The following LBR variants were observed in gnomAD, a reference collection of about 807,000 sequenced individuals.
The protein encoded by LBR is delta(14)-sterol reductase LBR.
Under a neutral mutation model 74.3 loss-of-function variants are expected in LBR, and 28 were observed. That is an observed-to-expected ratio of 0.38 (90% CI 0.28 to 0.52). LBR has a LOEUF of 0.52. Among genes scored for constraint, LBR ranks in the 20% least tolerant of loss-of-function variants. The pLI is 0.89. For missense variants in LBR, 717 were observed against 760.3 expected, an observed-to-expected ratio of 0.94 and a Z score of 0.67; for synonymous variants, 228 against 269.3, an observed-to-expected ratio of 0.85 and a Z score of 1.50.
At chr1:225,416,005 C>A (rs1326383800) in intron 6 of LBR, among the ~76,000 whole-genome samples, 1 of 151,992 alleles carries the variant, frequency 6.6e-6, no homozygotes, top group East Asian at 1.9e-4. Context: ...GAGTTGGAGA[C>A]CAGCCTGGGC....
At position 225,404,546 on chromosome 1, in the gene LBR, C is replaced by T. The variant is rs757794533; in HGVS notation, c.1565-20G>A. The T allele has an allele frequency of 6.4e-5, 101 of 1,580,810 alleles. No homozygotes were observed. The highest frequency in any genetic ancestry group is 8.6e-7 in the Non-Finnish European group (1 of 1,159,654). ...TTAAATCTATATAAAAATAAAAGTACATTTTTAATGATGTCGAGACAAAAA... is the reference window on the plus strand; with the variant it reads ...TTAAATCTATATAAAAATAAAAGTATATTTTTAATGATGTCGAGACAAAAA... On this transcript the variant is annotated intron_variant, in intron 12 of 13. Transcript: ENST00000272163.
chr1:225,413,216 T>C (rs969449703), intron 7 of LBR, among the ~76,000 whole-genome samples: 1 of 152,134 alleles, frequency 6.6e-6, no homozygotes, highest in Non-Finnish European at 1.5e-5. Context: ...ACAACACAAA[T>C]GCCCGAGGCT....
At chr1:225,416,672 G>A (rs577482523) in intron 6 of LBR, among the ~76,000 whole-genome samples, 3 of 152,274 alleles carry the variant, frequency 2.0e-5, no homozygotes, top group East Asian at 1.9e-4. Context: ...CCTCCGTATC[G>A]ACGGGATCCA....
intron 10 of LBR, among the ~76,000 whole-genome samples, chr1:225,408,675 T>C (rs1439886885): frequency 1.3e-5 from 2 of 152,250 alleles, no homozygotes; most frequent in Non-Finnish European, 2.9e-5. Context: ...AAATACAATC[T>C]TTCCTCAAGA....
chr1:225,424,884 T>G (rs1024417965), intron 1 of LBR, among the ~76,000 whole-genome samples: 1 of 152,202 alleles, frequency 6.6e-6, no homozygotes, highest in African/African-American at 2.4e-5. Context: ...GCTGGGTACT[T>G]CCAGCTGCCA....
At chr1:225,416,211 AAAAGAG>A (rs1271582803) in intron 6 of LBR, among the ~76,000 whole-genome samples, 13 of 146,224 alleles carry the variant, frequency 8.9e-5, no homozygotes, top group Non-Finnish European at 1.8e-4. Flanking sequence ...AAAAAAAAAA[AAAAGAG>A]AGAGAGAGAG....
At chr1:225,421,638 A>G (rs2096127665) in intron 3 of LBR, among the ~76,000 whole-genome samples, 1 of 152,260 alleles carries the variant, frequency 6.6e-6, no homozygotes, top group South Asian at 2.1e-4. Context: ...ATGCACCCTG[A>G]TATTTCAAAG....
chr1:225,415,449 A>T, intron 6 of LBR, 117 bp from the exon 7 acceptor site: 1 of 636,616 alleles, frequency 1.6e-6, no homozygotes, highest in Non-Finnish European at 2.8e-6. Flanking sequence ...CCAAGAAGGA[A>T]GATATCTTGT....
intron 7 of LBR, among the ~76,000 whole-genome samples, chr1:225,414,470 G>A (rs1389272218): frequency 4.6e-5 from 7 of 152,202 alleles, no homozygotes; most frequent in Admixed American, 4.6e-4. Context: ...AAATAGATCT[G>A]TACTTTGCCA....
intron 3 of LBR, among the ~76,000 whole-genome samples, chr1:225,420,747 T>G (rs1411537755): frequency 1.4e-5 from 2 of 145,366 alleles, no homozygotes; most frequent in East Asian, 2.0e-4. Flanking sequence ...GTTAGAACAG[T>G]AAGTTGAAAA....
chr1:225,413,928 G>A (rs1419412424), intron 7 of LBR: 1 of 456,894 alleles, frequency 2.2e-6, no homozygotes. Flanking sequence ...AGAGGGAAGT[G>A]AAAATATAAC....
In LBR at chr1:225,413,624, T is replaced by C. The variant is rs921176095; in HGVS notation, c.893-979A>G. ...AACAATAACTTCTAAATTCTGACTT[T>C]TGAAAATATTCATTTACCTTTCATA... On this transcript the variant is annotated intron_variant, in intron 7 of 13. Transcript: ENST00000272163. Among the ~76,000 whole-genome samples the C allele has an allele frequency of 7.9e-5, 12 of 152,252 alleles. 1 individual carries two copies. The highest frequency in any genetic ancestry group is 2.7e-4 in the African/African-American group (11 of 41,470).
upstream of LBR, among the ~76,000 whole-genome samples, chr1:225,428,381 C>G (rs1008146828): frequency 2.0e-5 from 3 of 152,226 alleles, no homozygotes; most frequent in South Asian, 2.1e-4. Context: ...CCGCCCTTTC[C>G]CTCCCAGCGC....
At chr1:225,409,427 G>A (rs2096099841) in intron 10 of LBR, among the ~76,000 whole-genome samples, 2 of 152,160 alleles carry the variant, frequency 1.3e-5, no homozygotes, top group African/African-American at 2.4e-5. Context: ...CAGCAGGGGT[G>A]GGGGAGATAC....
chr1:225,422,886 C>T (rs2096130643), intron 2 of LBR, among the ~76,000 whole-genome samples: 1 of 152,194 alleles, frequency 6.6e-6, no homozygotes, highest in African/African-American at 2.4e-5. Flanking sequence ...ATCAAAAGAA[C>T]AGTATTTCCT....
rs561118955 is a variant in LBR, at chr1:225,418,568, C to A, written c.641-388G>T. Reference sequence around the variant, plus strand: ...TAATCTTAACAAAAAACTTTATATTCCTCAGTTTCTAACAATTAAAATAGT... The same window carrying A: ...TAATCTTAACAAAAAACTTTATATTACTCAGTTTCTAACAATTAAAATAGT... On this transcript the variant is annotated intron_variant, in intron 5 of 13. Transcript: ENST00000272163. Among the ~76,000 whole-genome samples the A allele has an allele frequency of 2.4e-4, 36 of 152,244 alleles. 1 individual carries two copies. The South Asian group carries it at 7.3e-3, about 31-fold the overall frequency.
Position 225,412,444 on chromosome 1 carries a change from C to A in LBR, c.1084+10G>T. 6.2e-7 allele frequency: 1 copy of A among 1,613,598 alleles called. No homozygotes were observed. Among genetic ancestry groups the A allele is most frequent in the Non-Finnish European group, 8.5e-7 (1 of 1,179,746 alleles). ...CGCATTCATCCAACATGCAATTCAT[C>A]ACTGCTCACCAGAGCTGGCAGGCGA... On this transcript the variant is annotated intron_variant, in intron 8 of 13. Transcript: ENST00000272163.
chr1:225,410,548 T>C, intron 9 of LBR, 132 bp from the exon 10 acceptor site: 1 of 886,128 alleles, frequency 1.1e-6, no homozygotes, highest in Admixed American at 2.0e-5. Context: ...CCACCAGGAA[T>C]AAGACATCTC....
At chr1:225,413,287 T>C (rs1224478212) in intron 7 of LBR, among the ~76,000 whole-genome samples, 13 of 152,146 alleles carry the variant, frequency 8.5e-5, no homozygotes. Context: ...TCACGTGCAA[T>C]GCCAAGTTAA....
Sources: allele counts gnomAD v4.1 joint callset (sites outside exome capture counted in the v4.1 genomes callset), GRCh38; gene constraint gnomAD v4.1.1; transcripts MANE v1.5; gene names NCBI Gene and HGNC (gene_info 2026-07-23, HGNC 2026-07-21).